Variants in SPOCK3 observed in about 807,000 individuals in gnomAD.
SPOCK3 encodes the protein testican-3.
A neutral mutation model predicts 56.6 loss-of-function variants in SPOCK3; 30 were observed. The observed-to-expected ratio is 0.53, with a 90% CI of 0.40 to 0.72. The LOEUF (loss-of-function observed/expected upper bound fraction) is 0.72. Among genes scored for constraint, SPOCK3 ranks in the 30% least tolerant of loss-of-function variants. The probability of loss-of-function intolerance (pLI) is 0.00; values close to 1 mark genes in which losing one functional copy is unlikely to be tolerated. For synonymous variants in SPOCK3, 196 were observed against 183.3 expected, an observed-to-expected ratio of 1.07 and a Z score of -0.56; for missense variants, 527 against 530.0, an observed-to-expected ratio of 0.99 and a Z score of 0.06.
At chr4:167,185,484 T>G (rs1220578958) in intron 2 of SPOCK3, among the ~76,000 whole-genome samples, 2 of 152,146 alleles carry the variant, frequency 1.3e-5, no homozygotes, top group African/African-American at 4.8e-5. Flanking sequence ...TCCTCTGCCT[T>G]CTTCCCTTTC....
intron 3 of SPOCK3, among the ~76,000 whole-genome samples, chr4:167,015,306 A>T (rs1750512882): frequency 6.6e-6 from 1 of 152,140 alleles, no homozygotes; most frequent in Non-Finnish European, 1.5e-5. Flanking sequence ...CTAAAAATGA[A>T]AAGAGGCTTT....
chr4:166,914,383 A>AT (rs1203312950), intron 4 of SPOCK3, among the ~76,000 whole-genome samples: 1 of 151,978 alleles, frequency 6.6e-6, no homozygotes, highest in African/African-American at 2.4e-5. Context: ...TGTTGTATTA[A>AT]TAAATTTCTC....
chr4:167,162,568 C>G (rs962445432), intron 2 of SPOCK3, among the ~76,000 whole-genome samples: 2 of 152,040 alleles, frequency 1.3e-5, no homozygotes, highest in Non-Finnish European at 2.9e-5. Flanking sequence ...AATGCCATCA[C>G]CACAGAAAGG....
intron 6 of SPOCK3, among the ~76,000 whole-genome samples, chr4:166,871,537 C>T (rs1313037913): frequency 6.6e-6 from 1 of 152,018 alleles, no homozygotes; most frequent in African/African-American, 2.4e-5. Context: ...AACCGTATAT[C>T]TATTGTAAAA....
intron 5 of SPOCK3, among the ~76,000 whole-genome samples, chr4:166,903,770 T>C (rs1736322001): frequency 6.6e-6 from 1 of 152,096 alleles, no homozygotes; most frequent in African/African-American, 2.4e-5. Flanking sequence ...TCAATTCACA[T>C]AACAAGACTA....
rs565345454 is a variant in SPOCK3, at chr4:167,216,250, A to G, written c.189+17735T>C. On this transcript the variant is annotated intron_variant, in intron 2 of 10. Coordinates refer to ENST00000357545, the MANE Select transcript of SPOCK3 (RefSeq NM_001040159.2). ...AGTTTGCGGTTTATCCCACCGAAAA[A>G]AATACCGTTTACAGATTTTTGGAAG... Among the ~76,000 whole-genome samples the G allele has an allele frequency of 5.9e-5, 9 of 152,276 alleles. No homozygotes were observed. The South Asian group carries it at 1.9e-3, about 32-fold the overall frequency.
At chr4:166,925,455 C>T (rs1018384931) in intron 4 of SPOCK3, among the ~76,000 whole-genome samples, 11 of 151,962 alleles carry the variant, frequency 7.2e-5, no homozygotes, top group African/African-American at 2.4e-5. Flanking sequence ...ACTAGTTTAA[C>T]GTGTGTGTAA....
intron 3 of SPOCK3, among the ~76,000 whole-genome samples, chr4:167,045,990 T>G (rs1219889690): frequency 6.6e-6 from 1 of 152,232 alleles, no homozygotes; most frequent in Non-Finnish European, 1.5e-5. Flanking sequence ...AAGTCATGTA[T>G]GTCTACTGGC....
At chr4:167,051,286 T>A (rs560758513) in intron 3 of SPOCK3, among the ~76,000 whole-genome samples, 11 of 152,200 alleles carry the variant, frequency 7.2e-5, no homozygotes, top group Non-Finnish European at 1.3e-4. Context: ...CAGCAAGGAC[T>A]GAGAATCACT....
chr4:167,169,538 A>G (rs974973894), intron 2 of SPOCK3, among the ~76,000 whole-genome samples: 2 of 152,150 alleles, frequency 1.3e-5, no homozygotes, highest in South Asian at 4.1e-4. Context: ...CTATACCTCC[A>G]TTGTATCTGG....
chr4:166,885,687 G>C (rs971688623), intron 6 of SPOCK3, among the ~76,000 whole-genome samples: 2 of 151,508 alleles, frequency 1.3e-5, no homozygotes, highest in African/African-American at 4.9e-5. Flanking sequence ...CAAACTACAA[G>C]GTGCATAAAG....
intron 2 of SPOCK3, among the ~76,000 whole-genome samples, chr4:167,151,643 G>T (rs1285108821): frequency 1.3e-5 from 2 of 151,786 alleles, no homozygotes; most frequent in Non-Finnish European, 2.9e-5. Context: ...CACTATGTTA[G>T]CCAGGATGGT....
At chr4:167,067,286 A>G (rs904325919) in intron 2 of SPOCK3, among the ~76,000 whole-genome samples, 2 of 151,902 alleles carry the variant, frequency 1.3e-5, no homozygotes, top group African/African-American at 4.8e-5. Flanking sequence ...AAATATTACT[A>G]AACAGAGACA....
chr4:166,784,479 G>A (rs2126629124), intron 7 of SPOCK3, among the ~76,000 whole-genome samples: 1 of 152,090 alleles, frequency 6.6e-6, no homozygotes. Flanking sequence ...CAGAATAAAA[G>A]AGAATAAAAT....
chr4:166,926,664 C>T (rs1300807543), intron 4 of SPOCK3, among the ~76,000 whole-genome samples: 7 of 152,076 alleles, frequency 4.6e-5, no homozygotes, highest in African/African-American at 1.4e-4. Flanking sequence ...TTACCTCTTC[C>T]CTATGACACC....
intron 6 of SPOCK3, among the ~76,000 whole-genome samples, chr4:166,821,219 C>T (rs576360989): frequency 7.9e-5 from 12 of 152,074 alleles, no homozygotes; most frequent in South Asian, 4.1e-4. Flanking sequence ...GAAAGATGCT[C>T]AACATCATTA....
intron 6 of SPOCK3, among the ~76,000 whole-genome samples, chr4:166,819,300 C>G: frequency 6.6e-6 from 1 of 152,052 alleles, no homozygotes; most frequent in South Asian, 2.1e-4. Flanking sequence ...ATCTTTCCCT[C>G]TAACATAAAG....
At chr4:167,034,192 T>A (rs1375915760) in intron 3 of SPOCK3, among the ~76,000 whole-genome samples, 1 of 152,006 alleles carries the variant, frequency 6.6e-6, no homozygotes, top group African/African-American at 2.4e-5. Context: ...TAGGAATAAG[T>A]GAAAAAATAT....
intron 4 of SPOCK3, among the ~76,000 whole-genome samples, chr4:166,950,567 G>T (rs1442997707): frequency 6.6e-6 from 1 of 151,806 alleles, no homozygotes; most frequent in East Asian, 1.9e-4. Context: ...ATTGAACTCA[G>T]CTCTGCACCA....
Sources: gnomAD v4.1 joint callset for allele counts (sites outside exome capture counted in the v4.1 genomes callset) on GRCh38, gnomAD v4.1.1 for gene constraint, MANE v1.5 for transcripts, NCBI Gene and HGNC (gene_info 2026-07-23, HGNC 2026-07-21) for gene names.